Variants in NTM observed in about 807,000 individuals in gnomAD.
NTM encodes neurotrimin, also known as IgLON family member 2.
Under a neutral mutation model 42.1 loss-of-function variants are expected in NTM, and 13 were observed. The ratio of observed to expected loss-of-function variants is 0.31; its 90% confidence interval spans 0.20 to 0.49. The LOEUF (loss-of-function observed/expected upper bound fraction) is 0.49. Ranked by LOEUF, NTM falls within the 20% of genes least tolerant of loss-of-function variation. The pLI, the probability that NTM is intolerant of heterozygous loss-of-function variation, is 0.99. For missense variants in NTM, 373 were observed against 452.8 expected (o/e 0.82, Z 1.60); for synonymous variants, 187 against 179.2 (o/e 1.04, Z -0.35).
chr11:131,584,245 C>T (rs868475401), intron 1 of NTM, among the ~76,000 whole-genome samples: 10 of 152,328 alleles, frequency 6.6e-5, no homozygotes, highest in Middle Eastern at 3.4e-3. Flanking sequence ...GCAACCATTC[C>T]CAATAATTGC....
chr11:132,177,976 C>T (rs768451051), intron 3 of NTM, among the ~76,000 whole-genome samples: 13 of 152,200 alleles, frequency 8.5e-5, no homozygotes, highest in Non-Finnish European at 1.6e-4. Context: ...TTTATTTCTC[C>T]TCACTCACAT....
chr11:132,146,933 C>A lies in NTM; in HGVS notation c.400+419C>A. On this transcript the variant is annotated intron_variant, in intron 3 of 8. Transcript: ENST00000683400. This position sits in a 1 kb window ranked among gnomAD's most constrained non-coding sequence, Gnocchi z 4.5. ...GGAAGTACAGGTATGCCATGTCCCC[C>A]TCCAGCCTTGAACGAAAGCAGAGCC... 5.4e-6 allele frequency: 1 copy of A among 183,928 alleles called. No individual in the cohort carries two copies. Among genetic ancestry groups the A allele is most frequent in the East Asian group, 1.6e-4 (1 of 6,132 alleles). 11.4% of individuals were successfully genotyped at this position (183,928 alleles called of 1,614,324 possible).
intron 1 of NTM, among the ~76,000 whole-genome samples, chr11:131,627,868 C>T (rs1193325557): frequency 1.3e-5 from 2 of 152,038 alleles, no homozygotes; most frequent in African/African-American, 4.8e-5. Context: ...TTCCAGGTGC[C>T]ATTAGGAGTC....
intron 1 of NTM, among the ~76,000 whole-genome samples, chr11:131,688,918 T>C (rs1481653776): frequency 1.3e-5 from 2 of 152,200 alleles, no homozygotes; most frequent in Non-Finnish European, 2.9e-5. Flanking sequence ...CCCCACACAT[T>C]GTAGAGGTGT....
At chr11:132,152,000 GAA>G (rs2072022765) in intron 3 of NTM, among the ~76,000 whole-genome samples, 1 of 152,106 alleles carries the variant, frequency 6.6e-6, no homozygotes, top group Non-Finnish European at 1.5e-5. Flanking sequence ...TTCCAATCCT[GAA>G]TAATTAGTTG....
intron 1 of NTM, among the ~76,000 whole-genome samples, chr11:131,569,616 T>C (rs1376106872): frequency 2.0e-5 from 3 of 151,098 alleles, no homozygotes; most frequent in Non-Finnish European, 4.4e-5. Flanking sequence ...TTTACTCTGT[T>C]GCCCAGGCTG....
At chr11:131,603,994 C>T (rs1056015384) in intron 1 of NTM, among the ~76,000 whole-genome samples, 1 of 152,058 alleles carries the variant, frequency 6.6e-6, no homozygotes, top group Non-Finnish European at 1.5e-5. Flanking sequence ...CTGCTTTGAA[C>T]ATGCTTGTAC....
intron 2 of NTM, among the ~76,000 whole-genome samples, chr11:132,034,397 A>G (rs1377796296): frequency 2.0e-5 from 3 of 152,182 alleles, no homozygotes. Flanking sequence ...CAGTGTGACA[A>G]ACTTCAGGAT....
chr11:132,055,340 C>T (rs1472586761), intron 2 of NTM, among the ~76,000 whole-genome samples: 2 of 152,132 alleles, frequency 1.3e-5, no homozygotes, highest in Non-Finnish European at 2.9e-5. Flanking sequence ...GCCGGCATGC[C>T]CAGGGCTGAG....
At chr11:132,239,378 C>A (rs932025912) in intron 4 of NTM, among the ~76,000 whole-genome samples, 1 of 152,194 alleles carries the variant, frequency 6.6e-6, no homozygotes, top group Non-Finnish European at 1.5e-5. Flanking sequence ...AAAACTTAAG[C>A]AATCATCCCA....
chr11:131,528,650 C>A (rs1371648568), intron 1 of NTM, among the ~76,000 whole-genome samples: 1 of 152,138 alleles, frequency 6.6e-6, no homozygotes, highest in Non-Finnish European at 1.5e-5. Context: ...GGAGTAATCT[C>A]CTCGAAATAA....
intron 1 of NTM, among the ~76,000 whole-genome samples, chr11:131,477,914 C>T (rs2136217110): frequency 6.6e-6 from 1 of 151,694 alleles, no homozygotes; most frequent in African/African-American, 2.4e-5. Context: ...AATTGCTGTT[C>T]CTTAGGACAG....
intron 2 of NTM, among the ~76,000 whole-genome samples, chr11:132,078,083 G>A (rs1566100296): frequency 6.6e-6 from 1 of 152,110 alleles, no homozygotes; most frequent in Non-Finnish European, 1.5e-5. Flanking sequence ...CCCACACGAG[G>A]GGATCATCAC....
At chr11:131,541,865 C>T (rs554849493) in intron 1 of NTM, among the ~76,000 whole-genome samples, 14 of 152,372 alleles carry the variant, frequency 9.2e-5, no homozygotes, top group Non-Finnish European at 1.3e-4. Flanking sequence ...TCCCCTACTT[C>T]CTCCATGCTA....
At chr11:132,299,809 C>A (rs73043975) in intron 4 of NTM, among the ~76,000 whole-genome samples, 5 of 152,216 alleles carry the variant, frequency 3.3e-5, no homozygotes, top group Non-Finnish European at 7.4e-5. Context: ...TTTAAATTTG[C>A]CCATTTTTGG....
intron 1 of NTM, among the ~76,000 whole-genome samples, chr11:131,675,957 G>C (rs2071310155): frequency 6.6e-6 from 1 of 152,168 alleles, no homozygotes; most frequent in Admixed American, 6.5e-5. Context: ...GTCTTTTATG[G>C]CTTTCACCTT....
intron 2 of NTM, among the ~76,000 whole-genome samples, chr11:132,065,088 T>G (rs1283898051): frequency 6.6e-6 from 1 of 152,190 alleles, no homozygotes; most frequent in African/African-American, 2.4e-5. Context: ...GCAGGGCATG[T>G]GACTCTTGGG....
chr11:131,829,816 T>C lies in NTM; in HGVS notation c.83-81748T>C, dbSNP rs58257963. On this transcript the variant is annotated intron_variant, in intron 1 of 8. Coordinates refer to ENST00000683400, the MANE Select transcript of NTM (RefSeq NM_001352005.2). ...CTCATCATAGTGTATAAGCATTCCCTTTTTTCTGCAGCCTTGCGAGCATCA... is the reference window on the plus strand; with the variant it reads ...CTCATCATAGTGTATAAGCATTCCCCTTTTTCTGCAGCCTTGCGAGCATCA... Among the ~76,000 whole-genome samples, 434 of 152,276 alleles carry C rather than the reference T, an allele frequency of 2.9e-3. 1 individual carries two copies. The highest frequency in any genetic ancestry group is 9.9e-3 in the African/African-American group (410 of 41,568).
At chr11:132,082,359 C>T (rs1274819235) in intron 2 of NTM, among the ~76,000 whole-genome samples, 1 of 152,160 alleles carries the variant, frequency 6.6e-6, no homozygotes, top group Admixed American at 6.5e-5. Context: ...ACCAAGCCAC[C>T]ATTCATGAGT....
Sources: gnomAD v4.1 joint callset for allele counts (sites outside exome capture counted in the v4.1 genomes callset) on GRCh38, gnomAD v4.1.1 for gene constraint, Gnocchi (gnomAD v3.1) non-coding constraint, MANE v1.5 for transcripts, NCBI Gene and HGNC (gene_info 2026-07-23, HGNC 2026-07-21) for gene names.